Variants in ICA1L observed in about 807,000 individuals in gnomAD.
ICA1L encodes the protein islet cell autoantigen 1 like, also known as islet cell autoantigen 1-like protein.
A neutral mutation model predicts 61.3 loss-of-function variants in ICA1L; 50 were observed. The ratio of observed to expected loss-of-function variants is 0.82; its 90% confidence interval spans 0.65 to 1.03. ICA1L has a LOEUF of 1.03. Ranked by LOEUF, ICA1L falls within the 50% of genes least tolerant of loss-of-function variation. The pLI, the probability that ICA1L is intolerant of heterozygous loss-of-function variation, is 0.00. For synonymous variants in ICA1L, 161 were observed against 191.3 expected (o/e 0.84, Z 1.31); for missense variants, 508 against 556.7 (o/e 0.91, Z 0.88).
chr2:202,828,800 C>T, intron 2 of ICA1L, 48 bp downstream of exon 2: 1 of 1,509,506 alleles, frequency 6.6e-7, no homozygotes, highest in Non-Finnish European at 9.2e-7. Flanking sequence ...CCCTTGGAGC[C>T]CCAAATAATG....
intron 1 of ICA1L, among the ~76,000 whole-genome samples, chr2:202,850,692 G>A (rs1396677409): frequency 3.9e-5 from 6 of 152,164 alleles, no homozygotes; most frequent in Non-Finnish European, 8.8e-5. Flanking sequence ...CAGGGAGAAT[G>A]GAACCAAGTT....
intron 1 of ICA1L, chr2:202,844,482 A>T (rs531457448): frequency 2.5e-4 from 38 of 152,238 alleles, no homozygotes; most frequent in African/African-American, 9.2e-4. Flanking sequence ...ACAATGGTCA[A>T]GTTTCTGGAT....
intron 1 of ICA1L, chr2:202,841,491 G>T (rs1694328260): frequency 1.3e-6 from 1 of 780,696 alleles, no homozygotes; most frequent in Non-Finnish European, 2.3e-6. Context: ...TGTTGTTGAG[G>T]GTCCTTCTCC....
chr2:202,817,083 T>C (rs1559136829), intron 6 of ICA1L, among the ~76,000 whole-genome samples: 2 of 152,194 alleles, frequency 1.3e-5, no homozygotes, highest in Non-Finnish European at 1.5e-5. Context: ...TCAGATGAAA[T>C]TGTATGTAGA....
chr2:202,797,518 A>G (rs1276680736), intron 9 of ICA1L, among the ~76,000 whole-genome samples: 2 of 152,108 alleles, frequency 1.3e-5, no homozygotes, highest in Non-Finnish European at 2.9e-5. Context: ...TCTCTTAACA[A>G]TTGGTTGTCG....
chr2:202,861,672 AG>A (rs1213010720), intron 1 of ICA1L, among the ~76,000 whole-genome samples: 1 of 151,532 alleles, frequency 6.6e-6, no homozygotes, highest in Non-Finnish European at 1.5e-5. Context: ...GGATCACTTG[AG>A]GTTAGGAGTT....
At chr2:202,863,055 G>A (rs1694964573) in intron 1 of ICA1L, among the ~76,000 whole-genome samples, 2 of 151,960 alleles carry the variant, frequency 1.3e-5, no homozygotes, top group Admixed American at 6.6e-5. Flanking sequence ...ACTTTGGGAG[G>A]CCGAGGCAGG....
At chr2:202,819,224 A>G (rs1179916949) in intron 5 of ICA1L, among the ~76,000 whole-genome samples, 2 of 152,236 alleles carry the variant, frequency 1.3e-5, no homozygotes, top group Non-Finnish European at 2.9e-5. Flanking sequence ...TATAATTTAT[A>G]ATAAGGAGTT....
chr2:202,834,246 G>A (rs1388304855), intron 1 of ICA1L, among the ~76,000 whole-genome samples: 1 of 152,072 alleles, frequency 6.6e-6, no homozygotes, highest in Non-Finnish European at 1.5e-5. Flanking sequence ...TGGATTTATA[G>A]AAAAGAATGG....
chr2:202,844,018 T>TC (rs1694404692), intron 1 of ICA1L, among the ~76,000 whole-genome samples: 1 of 152,254 alleles, frequency 6.6e-6, no homozygotes, highest in Non-Finnish European at 1.5e-5. Flanking sequence ...GATTGTTGAA[T>TC]AGAATTCCAT....
intron 9 of ICA1L, among the ~76,000 whole-genome samples, chr2:202,797,941 C>G (rs1456060751): frequency 1.3e-5 from 2 of 152,192 alleles, no homozygotes; most frequent in Non-Finnish European, 2.9e-5. Context: ...GCCATCCCCC[C>G]AGTTCCCTCC....
chr2:202,840,983 C>T (rs1211346759), intron 1 of ICA1L: 4 of 679,550 alleles, frequency 5.9e-6, no homozygotes, highest in African/African-American at 5.3e-5. Flanking sequence ...TCTCCTCATA[C>T]TGCGCCTTGA....
intron 1 of ICA1L, among the ~76,000 whole-genome samples, chr2:202,866,603 T>G (rs1687521278): frequency 6.6e-6 from 1 of 152,186 alleles, no homozygotes; most frequent in African/African-American, 2.4e-5. Flanking sequence ...TAACATCATT[T>G]ACAAAGAGTA....
rs139434183 is a variant in ICA1L at position 202,821,129 on chromosome 2, T to G, written c.359+229A>C. ...AATAAAAGAAATATAAATACAGGCC[T>G]AAAGGTTATTTCTAGAAATTAAGCA... On this transcript the variant is annotated intron_variant, in intron 4 of 12. Coordinates refer to ENST00000358299, the MANE Select transcript of ICA1L (RefSeq NM_001288622.3). Among the ~76,000 whole-genome samples the G allele has an allele frequency of 3.6e-3, 543 of 152,314 alleles. 1 individual carries two copies. The highest frequency in any genetic ancestry group is 0.012 in the African/African-American group (516 of 41,580).
chr2:202,840,377 T>C (rs1324952159), intron 1 of ICA1L: 9 of 490,560 alleles, frequency 1.8e-5, no homozygotes, highest in South Asian at 7.7e-5. Flanking sequence ...CTTCCCATCG[T>C]GGATCTCAAT....
chr2:202,831,507 C>A (rs1694013853), intron 1 of ICA1L, among the ~76,000 whole-genome samples: 1 of 152,140 alleles, frequency 6.6e-6, no homozygotes, highest in Non-Finnish European at 1.5e-5. Context: ...AAACTGACTG[C>A]AGGTTTAGGC....
intron 1 of ICA1L, among the ~76,000 whole-genome samples, chr2:202,846,725 A>C (rs1694472853): frequency 8.0e-6 from 1 of 124,942 alleles, no homozygotes; most frequent in Non-Finnish European, 1.9e-5. Context: ...CCCTTATCCA[A>C]AAGTGAGTCA....
At chr2:202,800,940 T>C (rs865856049) in intron 9 of ICA1L, among the ~76,000 whole-genome samples, 1 of 152,036 alleles carries the variant, frequency 6.6e-6, no homozygotes, top group Non-Finnish European at 1.5e-5. Context: ...AGATACATAA[T>C]ATAAAAATGT....
intron 1 of ICA1L, among the ~76,000 whole-genome samples, chr2:202,839,558 C>CTGTG (rs57535958): frequency 0.016 from 1,876 of 114,328 alleles, 33 homozygotes; most frequent in African/African-American, 0.041. Context: ...ACAGTTAAGT[C>CTGTG]TGTGTGTGTG....
Sources: allele counts gnomAD v4.1 joint callset (sites outside exome capture counted in the v4.1 genomes callset), GRCh38; gene constraint gnomAD v4.1.1; transcripts MANE v1.5; gene names NCBI Gene and HGNC (gene_info 2026-07-23, HGNC 2026-07-21).